CRYBG1: variants seen among roughly 807,000 people sequenced by gnomAD.
The protein encoded by CRYBG1 is crystallin beta-gamma domain containing 1.
Under a neutral mutation model 189.2 loss-of-function variants are expected in CRYBG1, and 139 were observed. That is an observed-to-expected ratio of 0.73 (90% CI 0.64 to 0.85). The LOEUF (loss-of-function observed/expected upper bound fraction) is 0.85. Among genes scored for constraint, CRYBG1 ranks in the 40% least tolerant of loss-of-function variants. The probability of loss-of-function intolerance (pLI) is 0.00; values close to 1 mark genes in which losing one functional copy is unlikely to be tolerated. For synonymous variants in CRYBG1, 1,023 were observed against 1,017.1 expected (o/e 1.01, Z -0.11); for missense variants, 2,611 against 2,675.8 (o/e 0.98, Z 0.53).
At chr6:106,502,241 TAAGTGCTTTA>T (rs1212536648) in intron 2 of CRYBG1, among the ~76,000 whole-genome samples, 4 of 152,220 alleles carry the variant, frequency 2.6e-5, no homozygotes, top group African/African-American at 9.6e-5. Context: ...CAGTGGCTTT[TAAGTGCTTTA>T]AAGTAACCAT....
intron 2 of CRYBG1, among the ~76,000 whole-genome samples, chr6:106,476,522 A>G (rs927013): frequency 0.074 from 11,286 of 152,264 alleles, 665 homozygotes; most frequent in African/African-American, 0.15. Flanking sequence ...ATTTCCTGGC[A>G]GCTATGACAC....
chr6:106,445,163 T>C (rs1349918599), intron 1 of CRYBG1, among the ~76,000 whole-genome samples: 1 of 152,164 alleles, frequency 6.6e-6, no homozygotes, highest in Admixed American at 6.6e-5. Context: ...CTTGGGTTAG[T>C]GGTGTAGCAT....
intron 1 of CRYBG1, among the ~76,000 whole-genome samples, chr6:106,407,824 A>G (rs1394155145): frequency 1.3e-5 from 2 of 152,206 alleles, no homozygotes; most frequent in African/African-American, 4.8e-5. Context: ...TCTGAAACCA[A>G]TGAAAACAAA....
At chr6:106,426,453 C>T (rs944862672) in intron 1 of CRYBG1, among the ~76,000 whole-genome samples, 7 of 152,202 alleles carry the variant, frequency 4.6e-5, no homozygotes, top group African/African-American at 1.4e-4. Flanking sequence ...TTGCTATTTT[C>T]GTTTCCTCTT....
chr6:106,557,252 C>T (rs545640515), intron 17 of CRYBG1, among the ~76,000 whole-genome samples: 1 of 152,312 alleles, frequency 6.6e-6, no homozygotes, highest in East Asian at 1.9e-4. Context: ...CTAGACCACA[C>T]AAACTACTTC....
chr6:106,412,962 AAG>A (rs1466273616), intron 1 of CRYBG1, among the ~76,000 whole-genome samples: 1 of 151,706 alleles, frequency 6.6e-6, no homozygotes, highest in African/African-American at 2.4e-5. Context: ...AAAAAAAAAA[AAG>A]AGCTTTTGGA....
chr6:106,473,377 C>T (rs562666144), intron 2 of CRYBG1, among the ~76,000 whole-genome samples: 7 of 152,200 alleles, frequency 4.6e-5, no homozygotes, highest in East Asian at 3.9e-4. Flanking sequence ...GTTCTAGCAT[C>T]GGTATGAACT....
At chr6:106,449,220 C>T (rs1029025219) in intron 1 of CRYBG1, among the ~76,000 whole-genome samples, 4 of 152,070 alleles carry the variant, frequency 2.6e-5, no homozygotes, top group East Asian at 1.9e-4. Flanking sequence ...TGCCCGTCTC[C>T]GACAATACAA....
intron 1 of CRYBG1, among the ~76,000 whole-genome samples, chr6:106,377,339 T>C (rs1326649746): frequency 6.6e-6 from 1 of 152,176 alleles, no homozygotes; most frequent in Non-Finnish European, 1.5e-5. Flanking sequence ...CAATAACCTT[T>C]TCTTACTTAA....
chr6:106,410,028 C>G (rs1283948739), intron 1 of CRYBG1, among the ~76,000 whole-genome samples: 1 of 152,172 alleles, frequency 6.6e-6, no homozygotes, highest in Non-Finnish European at 1.5e-5. Flanking sequence ...CAAATGGGTT[C>G]TAATTAAACT....
intron 1 of CRYBG1, among the ~76,000 whole-genome samples, chr6:106,436,871 A>G (rs1211285600): frequency 6.6e-6 from 1 of 151,948 alleles, no homozygotes; most frequent in Non-Finnish European, 1.5e-5. Flanking sequence ...ATAAGTATGA[A>G]TAAATTGCTT....
At chr6:106,456,003 T>G (rs541774754) in intron 2 of CRYBG1, among the ~76,000 whole-genome samples, 19 of 152,110 alleles carry the variant, frequency 1.2e-4, no homozygotes, top group Non-Finnish European at 2.2e-4. Flanking sequence ...TTCTTGGTGA[T>G]GCTTGTCTGC....
At chr6:106,536,797 G>A (rs998314009) in intron 8 of CRYBG1, among the ~76,000 whole-genome samples, 5 of 152,202 alleles carry the variant, frequency 3.3e-5, no homozygotes, top group East Asian at 1.9e-4. Context: ...GAAAGCTTAT[G>A]ACCCAAGTAC....
In CRYBG1 at chr6:106,473,140, G is replaced by A. The variant is rs1472527046; in HGVS notation, c.312+21308G>A. Among the ~76,000 whole-genome samples the A allele has an allele frequency of 2.6e-5, 4 of 152,232 alleles. No individual in the cohort carries two copies. In the East Asian group the frequency reaches 5.8e-4, roughly 22 times the overall value. On this transcript the variant is annotated intron_variant, in intron 2 of 21. Transcript: ENST00000633556. Reference sequence around the variant, plus strand: ...GAGGAATAAAATGGGCTTGGAGTGAGGCCAAGATGCCCTCTCCAATTTTAA... The same window carrying A: ...GAGGAATAAAATGGGCTTGGAGTGAAGCCAAGATGCCCTCTCCAATTTTAA...
chr6:106,483,378 G>GTGTGTGTGTGTATATATATA (rs1347885031), intron 2 of CRYBG1, among the ~76,000 whole-genome samples: 3 of 113,690 alleles, frequency 2.6e-5, no homozygotes, highest in African/African-American at 8.1e-5. Flanking sequence ...GTGTGTGTGT[G>GTGTGTGTGTGTATATATATA]TATATATATA....
chr6:106,383,280 C>T (rs1055377748), intron 1 of CRYBG1, among the ~76,000 whole-genome samples: 3 of 152,130 alleles, frequency 2.0e-5, no homozygotes, highest in Non-Finnish European at 4.4e-5. Flanking sequence ...TGCATCTTAA[C>T]CTCCATAAGT....
intron 1 of CRYBG1, among the ~76,000 whole-genome samples, chr6:106,367,686 C>CAGCATGG (rs1407544526): frequency 2.0e-5 from 3 of 149,288 alleles, no homozygotes; most frequent in Non-Finnish European, 4.4e-5. Flanking sequence ...ATTTTTAGGT[C>CAGCATGG]AGCATGGTGG....
Position 106,511,946 on chromosome 6 carries a change from G to C in CRYBG1, c.829G>C (p.Glu277Gln). Residue 277 changes from glutamate to glutamine, a missense_variant, in exon 3 of 22, where the codon GAG (glutamate) becomes CAG (glutamine). Physicochemically the swap from Glu to Gln is conservative, Grantham distance 29. Around this residue, in one of 3 missense-constraint regions of CRYBG1, gnomAD observed 985 missense variants for 924.4 expected, o/e 1.07. Transcript: ENST00000633556. Reference protein sequence around the residue: ...NAETPARSPGEDASPGAGHEQ... With the variant: ...NAETPARSPGQDASPGAGHEQ... ...AGAGACGCCCGCCCGCAGTCCGGGG[G>C]AGGACGCTTCACCAGGTGCTGGCCA... The C allele has an allele frequency of 6.5e-7, 1 of 1,527,630 alleles. No homozygotes were observed. Among genetic ancestry groups the C allele is most frequent in the Non-Finnish European group, 8.8e-7 (1 of 1,141,764 alleles). The allele number at this position is 1,527,630 out of a possible 1,614,324, so 94.6% of individuals were successfully genotyped here. A position where few individuals can be genotyped will look rare whatever the true frequency, so the allele number is the denominator to read the frequency against.
chr6:106,363,789 T>C (rs1384133247), intron 1 of CRYBG1, among the ~76,000 whole-genome samples: 7 of 152,210 alleles, frequency 4.6e-5, no homozygotes, highest in Non-Finnish European at 7.3e-5. Context: ...TCATCTGTAA[T>C]ATGGAGACAA....
Sources: gnomAD v4.1 joint callset for allele counts (sites outside exome capture counted in the v4.1 genomes callset) on GRCh38, gnomAD v4.1.1 for gene constraint, gnomAD v4.1.1 regional missense constraint, MANE v1.5 for transcripts, NCBI Gene and HGNC (gene_info 2026-07-23, HGNC 2026-07-21) for gene names.